DGKQ: variants seen among roughly 807,000 people sequenced by gnomAD.
DGKQ encodes diacylglycerol kinase theta.
In DGKQ, 97 loss-of-function variants were observed where a neutral mutation model predicts 104.2. That is an observed-to-expected ratio of 0.93 (90% CI 0.79 to 1.10). The LOEUF (loss-of-function observed/expected upper bound fraction) is 1.10. Among genes scored for constraint, DGKQ ranks in the 50% least tolerant of loss-of-function variants. The pLI is 0.00. For synonymous variants in DGKQ, 736 were observed against 595.2 expected (o/e 1.24, Z -3.44); for missense variants, 1,465 against 1,352.1 (o/e 1.08, Z -1.31).
At chr4:973,143 C>CGCTCAG in intron 1 of DGKQ, 69 bp downstream of exon 1, 1 of 1,393,556 alleles carries the variant, frequency 7.2e-7, no homozygotes, top group Non-Finnish European at 9.3e-7. Context: ...GTGCCACCTC[C>CGCTCAG]GCTCAGGCTC....
intron 12 of DGKQ, 37 bp downstream of exon 12, chr4:966,429 G>A: frequency 1.2e-6 from 2 of 1,605,086 alleles, no homozygotes; most frequent in Non-Finnish European, 8.5e-7. Context: ...GCTGAGGGCT[G>A]CTGGTTCCCT....
chr4:966,572 C>T (rs1370038511), intron 11 of DGKQ, 45 bp from the exon 12 acceptor site: 22 of 1,592,360 alleles, frequency 1.4e-5, no homozygotes, highest in Non-Finnish European at 1.5e-5. Context: ...GCTCCTCGCC[C>T]ACCTTGGAAG....
intron 1 of DGKQ, among the ~76,000 whole-genome samples, chr4:972,305 C>T (rs556537313): frequency 6.6e-6 from 1 of 152,160 alleles, no homozygotes; most frequent in Admixed American, 6.5e-5. Context: ...CATGCTCTGA[C>T]GTGACAAAGA....
At chr4:965,798 G>A in intron 13 of DGKQ, 130 bp downstream of exon 13, 1 of 1,095,808 alleles carries the variant, frequency 9.1e-7, no homozygotes, top group South Asian at 1.6e-5. Flanking sequence ...GAAGAGACGT[G>A]GGCTGGACCC....
In DGKQ at chr4:971,062, G is replaced by C. The variant is rs145962488; in HGVS notation, c.282C>G (p.Phe94Leu). The change falls in exon 2 of 23, where the codon TTC becomes TTG. Residue 94 changes from phenylalanine (F) to leucine (L), a missense_variant. By Grantham distance (22) the Phe-to-Leu change is conservative (BLOSUM62 0). Transcript: ENST00000273814. The surrounding 1 kb of genome is among the most constrained non-coding windows in gnomAD (Gnocchi z 4.0). ...GCTTCAGGCACTTCTCATGAGACAT[G>C]AAATTGCAGACTGTGGGAATGAGCA... ...LAGFLCDVCN[F>L]MSHEKCLKHV... 1 of 1,557,430 alleles carries C rather than the reference G, an allele frequency of 6.4e-7. No homozygotes were observed. The highest frequency in any genetic ancestry group is 8.7e-7 in the Non-Finnish European group (1 of 1,150,056).
chr4:963,339 C>T (rs1396389263), intron 15 of DGKQ, 49 bp from the exon 16 acceptor site: 3 of 1,547,348 alleles, frequency 1.9e-6, no homozygotes, highest in Non-Finnish European at 2.6e-6. Flanking sequence ...GTGGGGTGTC[C>T]CCACTGCTGG....
Position 961,584 on chromosome 4 carries a change from G to A in DGKQ, c.2463-6C>T, listed in dbSNP as rs746134010. ...GGTCGGCCCCCGAGCCCCAGCTGCC[G>A]CATAAGAGAGCGGGCACAGAGGTGT... On this transcript the variant is annotated splice_region_variant and splice_polypyrimidine_tract_variant and intron_variant, in intron 20 of 22. Coordinates refer to ENST00000273814, the MANE Select transcript of DGKQ (RefSeq NM_001347.4). 7.5e-6 allele frequency: 12 copies of A among 1,609,080 alleles called. No individual in the cohort carries two copies. The highest frequency in any genetic ancestry group is 3.3e-5 in the South Asian group (3 of 90,762).
chr4:960,507 G>T lies in DGKQ; in HGVS notation c.*113C>A. The T allele has an allele frequency of 2.1e-6, 2 of 946,892 alleles. No individual in the cohort carries two copies. Among genetic ancestry groups the T allele is most frequent in the Non-Finnish European group, 3.3e-6 (2 of 606,508 alleles). The allele number at this position is 946,892 out of a possible 1,614,324, so 58.7% of individuals were successfully genotyped here. The stretch of plus-strand genomic sequence containing the variant: ...GATGCTGTGGTCAGGGCTGTAGCCA[G>T]GTCCGACCACAGGGCCGGCCACTGT... On this transcript the variant is annotated 3_prime_UTR_variant, in exon 23 of 23. Transcript: ENST00000273814.
chr4:965,610 C>T (rs540324491), intron 13 of DGKQ, 81 bp from the exon 14 acceptor site: 2 of 1,493,362 alleles, frequency 1.3e-6, no homozygotes, highest in South Asian at 1.2e-5. Flanking sequence ...CTCCGCCTGT[C>T]CAGGGGTGAC....
intron 15 of DGKQ, among the ~76,000 whole-genome samples, chr4:963,564 C>G (rs1345097325): frequency 6.6e-6 from 1 of 152,246 alleles, no homozygotes; most frequent in Non-Finnish European, 1.5e-5. Flanking sequence ...GCCCACTGAG[C>G]TGCGTGTGAA....
intron 15 of DGKQ, 74 bp from the exon 16 acceptor site, chr4:963,364 G>A (rs914309579): frequency 1.4e-6 from 2 of 1,424,016 alleles, no homozygotes; most frequent in African/African-American, 2.8e-5. Flanking sequence ...GCCAGGCAGT[G>A]CCCAGCCCCC....
intron 10 of DGKQ, 74 bp from the exon 11 acceptor site, chr4:966,876 C>G: frequency 1.3e-6 from 2 of 1,561,088 alleles, no homozygotes; most frequent in Non-Finnish European, 1.7e-6. Flanking sequence ...GACAGCCACG[C>G]CTGGGCTGGG....
chr4:961,025 G>A, intron 22 of DGKQ, 24 bp downstream of exon 22: 1 of 1,610,500 alleles, frequency 6.2e-7, no homozygotes, highest in Non-Finnish European at 8.5e-7. Context: ...ACCTCCCCTG[G>A]CTCTCCAGCC....
chr4:971,100 GC>G lies in DGKQ; in HGVS notation c.272-29del. On this transcript the variant is annotated intron_variant, in intron 1 of 22. Coordinates refer to ENST00000273814, the MANE Select transcript of DGKQ (RefSeq NM_001347.4). The surrounding 1 kb of genome is among the most constrained non-coding windows in gnomAD (Gnocchi z 4.0). The stretch of plus-strand genomic sequence containing the variant: ...GTGGGAATGAGCACTGTGTGAGTTG[GC>G]CCCTGTCCTACCCAATGGCTGTCCT... The G allele has an allele frequency of 6.5e-7, 1 of 1,528,890 alleles. No individual in the cohort carries two copies. The allele number at this position is 1,528,890 out of a possible 1,614,324, so 94.7% of individuals were successfully genotyped here. A position where few individuals can be genotyped will look rare whatever the true frequency, so the allele number is the denominator to read the frequency against.
chr4:962,104 C>G (rs1161570162), intron 18 of DGKQ, 22 bp from the exon 19 acceptor site: 1 of 1,600,546 alleles, frequency 6.2e-7, no homozygotes, highest in African/African-American at 1.3e-5. Context: ...GCGTTCATCT[C>G]CCAGGACCCG....
At chr4:960,945 G>A (rs1711839460) in intron 22 of DGKQ, 104 bp downstream of exon 22, 1 of 1,538,234 alleles carries the variant, frequency 6.5e-7, no homozygotes, top group East Asian at 2.3e-5. Flanking sequence ...AGTGCTCCCT[G>A]GCCGCAGCCG....
rs1229767026 is a variant in DGKQ at position 966,996 on chromosome 4, C to T, written c.1279G>A (p.Val427Met). ...VTPKSTARSVVLEVLPLLGRQ... is the reference protein window; with the variant it reads ...VTPKSTARSVMLEVLPLLGRQ... ...CCGAGCAGCGGCAGGACCTCCAGCACCACAGAGCGGGCCGTGCTCTTCGGG... is the reference window on the plus strand; with the variant it reads ...CCGAGCAGCGGCAGGACCTCCAGCATCACAGAGCGGGCCGTGCTCTTCGGG... The change falls in exon 10 of 23, where the codon GTG (valine) becomes ATG (methionine). Residue 427 changes from valine to methionine, a missense_variant. Val to Met is a conservative substitution (Grantham distance 21). Transcript: ENST00000273814. 1.5e-5 allele frequency: 23 copies of T among 1,566,556 alleles called. No individual in the cohort carries two copies. The highest frequency in any genetic ancestry group is 1.7e-4 in the Middle Eastern group (1 of 5,886).
rs1330384038 is a variant in DGKQ at position 959,457 on chromosome 4, C to T, written c.*1163G>A. 1 of 152,280 alleles carries T rather than the reference C, an allele frequency of 6.6e-6. No homozygotes were observed. Among genetic ancestry groups the T allele is most frequent in the Non-Finnish European group, 1.5e-5 (1 of 68,064 alleles). The allele number at this position is 152,280 out of a possible 1,614,324, so 9.4% of individuals were successfully genotyped here. A position where few individuals can be genotyped will look rare whatever the true frequency, so the allele number is the denominator to read the frequency against. On this transcript the variant is annotated 3_prime_UTR_variant, in exon 23 of 23. Coordinates refer to ENST00000273814, the MANE Select transcript of DGKQ (RefSeq NM_001347.4). ...TCAGACTCCTCCCGGGGCCAGTGCA[C>T]CATCTGAATCCTTGGGCACGTGGAG...
intron 2 of DGKQ, among the ~76,000 whole-genome samples, chr4:969,692 C>T (rs1329044118): frequency 6.6e-6 from 1 of 151,276 alleles, no homozygotes; most frequent in Non-Finnish European, 1.5e-5. Flanking sequence ...TCACTGCAAG[C>T]TCCGCCTCCT....
Sources: allele counts gnomAD v4.1 joint callset (sites outside exome capture counted in the v4.1 genomes callset), GRCh38; gene constraint gnomAD v4.1.1; non-coding constraint Gnocchi (gnomAD v3.1); transcripts MANE v1.5; gene names NCBI Gene and HGNC (gene_info 2026-07-23, HGNC 2026-07-21).